Variants in PCLO observed in about 807,000 individuals in gnomAD.
PCLO encodes piccolo presynaptic cytomatrix protein.
Under a neutral mutation model 427.5 loss-of-function variants are expected in PCLO, and 82 were observed. The observed-to-expected ratio is 0.19, with a 90% confidence interval of 0.16 to 0.23. The LOEUF is 0.23. PCLO is among the 10% of genes least tolerant of loss of function. The pLI is 1.00. For synonymous variants in PCLO, 2,357 were observed against 2,155.4 expected, an observed-to-expected ratio of 1.09 and a Z score of -2.59; for missense variants, 6,239 against 6,115.9, an observed-to-expected ratio of 1.02 and a Z score of -0.67.
chr7:82,850,766 A>G (rs1008066270), intron 10 of PCLO, among the ~76,000 whole-genome samples: 3 of 152,146 alleles, frequency 2.0e-5, no homozygotes, highest in African/African-American at 7.2e-5. Flanking sequence ...TACACAATTC[A>G]TCACCTTTGC....
intron 22 of PCLO, among the ~76,000 whole-genome samples, chr7:82,764,891 T>C (rs916019859): frequency 6.6e-5 from 10 of 151,860 alleles, no homozygotes; most frequent in African/African-American, 2.2e-4. Context: ...AAAAACTAGA[T>C]AAAATATTGA....
At chr7:83,068,634 T>C (rs1789728299) in intron 3 of PCLO, among the ~76,000 whole-genome samples, 1 of 152,156 alleles carries the variant, frequency 6.6e-6, no homozygotes, top group Non-Finnish European at 1.5e-5. Context: ...GACATATGTT[T>C]TGGTAAGGGC....
At chr7:82,948,341 A>T (rs1426796346) in intron 6 of PCLO, among the ~76,000 whole-genome samples, 1 of 152,074 alleles carries the variant, frequency 6.6e-6, no homozygotes, top group Non-Finnish European at 1.5e-5. Flanking sequence ...ACTAGAAAAC[A>T]TAAATAAATT....
At chr7:83,021,809 C>G (rs1295565191) in intron 3 of PCLO, among the ~76,000 whole-genome samples, 1 of 152,036 alleles carries the variant, frequency 6.6e-6, no homozygotes, top group African/African-American at 2.4e-5. Context: ...AGCTAAATTA[C>G]AAACTTTACC....
intron 3 of PCLO, among the ~76,000 whole-genome samples, chr7:83,003,756 T>C (rs970192676): frequency 3.4e-4 from 51 of 151,968 alleles, no homozygotes; most frequent in African/African-American, 1.2e-3. Context: ...AACATTTTGT[T>C]GAGGATTTTT....
chr7:83,068,911 G>A (rs534754013), intron 3 of PCLO, among the ~76,000 whole-genome samples: 1 of 152,056 alleles, frequency 6.6e-6, no homozygotes, highest in Non-Finnish European at 1.5e-5. Context: ...AAGAAATTGT[G>A]ACTATATACA....
At chr7:83,116,787 C>T (rs933815802) in intron 3 of PCLO, among the ~76,000 whole-genome samples, 6 of 152,174 alleles carry the variant, frequency 3.9e-5, no homozygotes, top group Admixed American at 3.3e-4. Flanking sequence ...TCAACTCCCA[C>T]GCCAAACATG....
intron 3 of PCLO, among the ~76,000 whole-genome samples, chr7:83,092,863 C>T (rs1217210234): frequency 6.8e-6 from 1 of 147,282 alleles, no homozygotes; most frequent in Non-Finnish European, 1.5e-5. Context: ...AGGAGAATCA[C>T]TTGAGTGTGG....
intron 3 of PCLO, among the ~76,000 whole-genome samples, chr7:83,040,484 A>C (rs965776204): frequency 1.3e-5 from 2 of 152,230 alleles, no homozygotes; most frequent in Middle Eastern, 3.4e-3. Context: ...TTCGCAGGCT[A>C]ATCTATTCGA....
At position 82,952,639 on chromosome 7, in the gene PCLO, G is replaced by C. The variant is rs1356534498; in HGVS notation, c.8314C>G (p.Gln2772Glu). ...ACACTAAGATTTATAATAGAGGGTT[G>C]GACAGCACTAATTTGTTTCCCATAA... ...EVYGKQISAV[Q>E]PSIINLSVTS... Residue 2772 changes from glutamine to glutamate, a missense_variant, in exon 5 of 25, where the codon CAA becomes GAA. Gln to Glu is a conservative substitution (Grantham distance 29, BLOSUM62 2). Transcript: ENST00000333891. 1 of 1,613,714 alleles carries C rather than the reference G, an allele frequency of 6.2e-7. No homozygotes were observed. The highest frequency in any genetic ancestry group is 1.3e-5 in the African/African-American group (1 of 74,884).
rs758105470 is a variant in PCLO at position 82,805,760 on chromosome 7, C to T, written c.14861G>A (p.Ser4954Asn). The part of the protein sequence containing the change: ...STGSSGSSFG[S>N]GYSVDSEGSS... ...TCCTTCACTGTCCACGCTATACCCA[C>T]TGCCAAAGCTGCTGCCCGAGGAGCC... is the stretch of plus-strand genomic sequence containing the variant. The change falls in exon 21 of 25, where the codon AGT becomes AAT. Residue 4954 changes from serine (S) to asparagine (N), a missense_variant. By Grantham distance (46) the Ser-to-Asn change is conservative. Around this residue, in one of 5 missense-constraint regions of PCLO, gnomAD observed 877 missense variants for 925.5 expected, o/e 0.95. Transcript: ENST00000333891. The T allele has an allele frequency of 2.5e-6, 4 of 1,611,824 alleles. No individual in the cohort carries two copies. In the African/African-American group the frequency reaches 5.3e-5, roughly 21 times the overall value.
chr7:82,999,306 A>T (rs1365648630), intron 3 of PCLO, among the ~76,000 whole-genome samples: 8 of 141,884 alleles, frequency 5.6e-5, no homozygotes, highest in Non-Finnish European at 1.1e-4. Context: ...ATTATATATT[A>T]AATATATATG....
chr7:83,142,205 C>T (rs1791879481), intron 2 of PCLO, among the ~76,000 whole-genome samples: 1 of 152,158 alleles, frequency 6.6e-6, no homozygotes, highest in South Asian at 2.1e-4. Context: ...GAAGAACAAA[C>T]ACAATGTTAG....
At chr7:82,803,564 G>T (rs1434895561) in intron 21 of PCLO, among the ~76,000 whole-genome samples, 2 of 152,120 alleles carry the variant, frequency 1.3e-5, no homozygotes, top group African/African-American at 2.4e-5. Flanking sequence ...ACTTTCATAG[G>T]ATTGTGAAGC....
rs1562909692 is a variant in PCLO at position 82,999,808 on chromosome 7, T to TATATAAAATATAATATATAATATTAA, written c.3301-33347_3301-33322dup. The stretch of plus-strand genomic sequence containing the variant: ...ATATAAAATATAATATATAATATTA[T>TATATAAAATATAATATATAATATTAA]ATATAAAATATAATATATAATATTA... On this transcript the variant is annotated intron_variant, in intron 3 of 24. Transcript: ENST00000333891. 9.1e-5 allele frequency among the ~76,000 whole-genome samples: 9 copies of TATATAAAATATAATATATAATATTAA among 98,550 alleles called. 4 individuals carry two copies. Among genetic ancestry groups the TATATAAAATATAATATATAATATTAA allele is most frequent in the Non-Finnish European group, 1.4e-4 (7 of 48,532 alleles). 64.7% of individuals were successfully genotyped at this position (98,550 alleles called of 152,430 possible).
chr7:83,025,488 T>C (rs1788469307), intron 3 of PCLO, among the ~76,000 whole-genome samples: 1 of 151,886 alleles, frequency 6.6e-6, no homozygotes, highest in Non-Finnish European at 1.5e-5. Context: ...TTGGTGTACC[T>C]GAAAGTGATG....
chr7:83,090,611 A>AC (rs1790353982), intron 3 of PCLO, among the ~76,000 whole-genome samples: 1 of 152,162 alleles, frequency 6.6e-6, no homozygotes. Context: ...CCAGATCTAA[A>AC]ATCTTATGAT....
intron 2 of PCLO, among the ~76,000 whole-genome samples, chr7:83,149,656 T>C (rs1391149225): frequency 6.6e-6 from 1 of 152,204 alleles, no homozygotes; most frequent in African/African-American, 2.4e-5. Flanking sequence ...GCTTTCTCTC[T>C]CCACAGATTC....
At chr7:82,782,257 A>C (rs1583968549) in intron 22 of PCLO, among the ~76,000 whole-genome samples, 1 of 152,116 alleles carries the variant, frequency 6.6e-6, no homozygotes, top group South Asian at 2.1e-4. Flanking sequence ...CAGCCCCCTA[A>C]CCTCTGACGT....
Sources: gnomAD v4.1 joint callset for allele counts (sites outside exome capture counted in the v4.1 genomes callset) on GRCh38, gnomAD v4.1.1 for gene constraint, gnomAD v4.1.1 regional missense constraint, MANE v1.5 for transcripts, NCBI Gene and HGNC (gene_info 2026-07-23, HGNC 2026-07-21) for gene names.